Variants in FMN2 observed in about 807,000 individuals in gnomAD.
The protein encoded by FMN2 is formin-2.
FMN2 carries 51 observed loss-of-function variants against 142.3 expected under a neutral mutation model. The observed-to-expected ratio is 0.36, with a 90% CI of 0.29 to 0.45. FMN2 has a LOEUF of 0.45. Ranked by LOEUF, FMN2 falls within the 20% of genes least tolerant of loss-of-function variation. The pLI is 1.00. For synonymous variants in FMN2, 882 were observed against 869.8 expected (o/e 1.01, Z -0.25); for missense variants, 1,936 against 2,122.8 (o/e 0.91, Z 1.73).
intron 4 of FMN2, among the ~76,000 whole-genome samples, chr1:240,190,416 A>G (rs894376415): frequency 1.3e-5 from 2 of 152,202 alleles, no homozygotes; most frequent in Admixed American, 6.5e-5. Flanking sequence ...TGATATGGAT[A>G]TGTTTCATGA....
intron 7 of FMN2, among the ~76,000 whole-genome samples, chr1:240,269,705 C>T (rs1037648773): frequency 3.3e-5 from 5 of 151,776 alleles, no homozygotes; most frequent in Admixed American, 6.6e-5. Flanking sequence ...TTATTTATGT[C>T]GTCTTCAATT....
intron 14 of FMN2, among the ~76,000 whole-genome samples, chr1:240,391,174 A>G (rs1486186272): frequency 6.6e-6 from 1 of 152,188 alleles, no homozygotes; most frequent in East Asian, 1.9e-4. Context: ...ACAATCTGAC[A>G]TACAAAAAGG....
At chr1:240,331,896 C>A (rs565871138) in intron 11 of FMN2, among the ~76,000 whole-genome samples, 1 of 152,278 alleles carries the variant, frequency 6.6e-6, no homozygotes, top group East Asian at 1.9e-4. Context: ...TTATTGAATA[C>A]TGTGCTGCAA....
At chr1:240,098,303 T>C (rs891589566) in intron 1 of FMN2, among the ~76,000 whole-genome samples, 1 of 151,974 alleles carries the variant, frequency 6.6e-6, no homozygotes, top group Non-Finnish European at 1.5e-5. Context: ...GATTTCACCA[T>C]GTAGGCCAGG....
intron 1 of FMN2, among the ~76,000 whole-genome samples, chr1:240,100,228 T>C (rs1386526230): frequency 1.3e-5 from 2 of 152,344 alleles, no homozygotes; most frequent in African/African-American, 4.8e-5. Flanking sequence ...AATGTTAAAA[T>C]AGTAATGACA....
At chr1:240,253,948 A>G (rs929740766) in intron 6 of FMN2, among the ~76,000 whole-genome samples, 1 of 151,992 alleles carries the variant, frequency 6.6e-6, no homozygotes, top group African/African-American at 2.4e-5. Flanking sequence ...GGTGATGAGG[A>G]TGCTAGGTGG....
chr1:240,143,403 A>G (rs904597555), intron 2 of FMN2: 2 of 1,425,442 alleles, frequency 1.4e-6, no homozygotes, highest in Admixed American at 3.4e-5. Flanking sequence ...CCCCCACAGC[A>G]ATAAGGGCAA....
At chr1:240,108,574 TTAGA>T (rs966137646) in intron 1 of FMN2, among the ~76,000 whole-genome samples, 13 of 152,184 alleles carry the variant, frequency 8.5e-5, no homozygotes, top group African/African-American at 3.1e-4. Flanking sequence ...GGGAAGTTTA[TTAGA>T]TAGTTATGTC....
At chr1:240,437,587 C>T (rs1275794344) in intron 15 of FMN2, among the ~76,000 whole-genome samples, 4 of 152,150 alleles carry the variant, frequency 2.6e-5, no homozygotes, top group South Asian at 2.1e-4. Flanking sequence ...CAGGCGTGAG[C>T]CACCGCGCCG....
At chr1:240,443,346 A>T (rs1476203770) in intron 16 of FMN2, among the ~76,000 whole-genome samples, 2 of 152,250 alleles carry the variant, frequency 1.3e-5, no homozygotes, top group Non-Finnish European at 2.9e-5. Context: ...ATTGTTAATA[A>T]GAAATCCTCC....
intron 2 of FMN2, chr1:240,143,460 T>A: frequency 6.6e-7 from 1 of 1,506,354 alleles, no homozygotes; most frequent in Non-Finnish European, 9.2e-7. Flanking sequence ...CAGCAGGGGT[T>A]TCCTTTTTGT....
intron 2 of FMN2, among the ~76,000 whole-genome samples, chr1:240,128,296 A>T (rs1662593382): frequency 6.6e-6 from 1 of 152,114 alleles, no homozygotes; most frequent in African/African-American, 2.4e-5. Flanking sequence ...CATATTTTCC[A>T]GCCAACCACA....
Position 240,123,172 on chromosome 1 carries a change from T to C in FMN2, c.1616-7T>C, listed in dbSNP as rs374513550. 1.7e-5 allele frequency: 28 copies of C among 1,613,920 alleles called. No individual in the cohort carries two copies. The highest frequency in any genetic ancestry group is 2.3e-5 in the Non-Finnish European group (27 of 1,179,990). On this transcript the variant is annotated splice_polypyrimidine_tract_variant and splice_region_variant and intron_variant, in intron 1 of 17. Coordinates refer to ENST00000319653, the MANE Select transcript of FMN2 (RefSeq NM_020066.5). Reference sequence around the variant, plus strand: ...GCTCGCTCTTAATGACTGTGTTTCATCTGCAGGGCGAACGCTGTTGGAGAA... The same window carrying C: ...GCTCGCTCTTAATGACTGTGTTTCACCTGCAGGGCGAACGCTGTTGGAGAA...
At chr1:240,242,624 A>G (rs763829509) in intron 6 of FMN2, among the ~76,000 whole-genome samples, 11 of 152,198 alleles carry the variant, frequency 7.2e-5, no homozygotes, top group Admixed American at 1.3e-4. Context: ...ACATCAAGAC[A>G]ACCAAATGAG....
rs545713047 is a variant in FMN2 at position 240,444,528 on chromosome 1, C to G, written c.5060+6318C>G. Among the ~76,000 whole-genome samples, 13 of 145,012 alleles carry G rather than the reference C, an allele frequency of 9.0e-5. No homozygotes were observed. In the South Asian group the frequency reaches 2.8e-3, roughly 31 times the overall value. ...GTAAGGGTTATGTTTAAAGTATTGT[C>G]TAACTTAATTTACTGGTTTATTTTA... On this transcript the variant is annotated intron_variant, in intron 16 of 17. Coordinates refer to ENST00000319653, the MANE Select transcript of FMN2 (RefSeq NM_020066.5).
intron 14 of FMN2, among the ~76,000 whole-genome samples, chr1:240,381,464 C>T (rs1240938571): frequency 5.9e-5 from 9 of 152,200 alleles, no homozygotes; most frequent in Admixed American, 5.9e-4. Flanking sequence ...GATTCTCGCT[C>T]TGTCACCCAG....
chr1:240,283,044 A>G (rs1669454281), intron 7 of FMN2, among the ~76,000 whole-genome samples: 1 of 152,178 alleles, frequency 6.6e-6, no homozygotes, highest in Admixed American at 6.6e-5. Flanking sequence ...CCAGTTGCAC[A>G]GTGACATGCA....
At chr1:240,409,917 G>A (rs980709540) in intron 15 of FMN2, among the ~76,000 whole-genome samples, 2 of 152,068 alleles carry the variant, frequency 1.3e-5, no homozygotes, top group African/African-American at 4.8e-5. Context: ...GTATATCTAA[G>A]TAATTTTTAT....
chr1:240,472,696 C>T (rs1445416205), intron 17 of FMN2, among the ~76,000 whole-genome samples: 1 of 151,892 alleles, frequency 6.6e-6, no homozygotes, highest in Non-Finnish European at 1.5e-5. Flanking sequence ...CCTGTAATTC[C>T]AGCACTTTGG....
Sources: allele counts gnomAD v4.1 joint callset (sites outside exome capture counted in the v4.1 genomes callset), GRCh38; gene constraint gnomAD v4.1.1; transcripts MANE v1.5; gene names NCBI Gene and HGNC (gene_info 2026-07-23, HGNC 2026-07-21).